The following FERMT1 variants were observed in gnomAD, a reference collection of about 807,000 sequenced individuals.
FERMT1 encodes the protein fermitin family homolog 1.
FERMT1 carries 60 observed loss-of-function variants against 85.3 expected under a neutral mutation model. The ratio of observed to expected loss-of-function variants is 0.70; its 90% CI spans 0.57 to 0.87. The LOEUF (loss-of-function observed/expected upper bound fraction) is 0.87. Among genes scored for constraint, FERMT1 ranks in the 40% least tolerant of loss-of-function variants. The probability of loss-of-function intolerance (pLI) is 0.00; values close to 1 mark genes in which losing one functional copy is unlikely to be tolerated. For synonymous variants in FERMT1, 275 were observed against 301.1 expected, an observed-to-expected ratio of 0.91 and a Z score of 0.90; for missense variants, 701 against 818.9, an observed-to-expected ratio of 0.86 and a Z score of 1.76.
Position 6,123,006 on chromosome 20 carries a change from C to G in FERMT1, c.-251G>C, listed in dbSNP as rs1983326837. Reference sequence around the variant, plus strand: ...ACGGAGGCTCGGTGCCTGCCCCCAGCCTGGCGCGGCGTGCCCGGTGCACTG... The same window carrying G: ...ACGGAGGCTCGGTGCCTGCCCCCAGGCTGGCGCGGCGTGCCCGGTGCACTG... On this transcript the variant is annotated 5_prime_UTR_variant, in exon 1 of 15. Transcript: ENST00000217289. The G allele has an allele frequency of 1.3e-5, 2 of 152,266 alleles. No individual in the cohort carries two copies. The allele number at this position is 152,266 out of a possible 1,614,324, so 9.4% of individuals were successfully genotyped here.
intron 6 of FERMT1, among the ~76,000 whole-genome samples, chr20:6,099,405 A>AAG (rs1982596341): frequency 1.1e-5 from 1 of 92,824 alleles, no homozygotes; most frequent in Admixed American, 1.4e-4. Flanking sequence ...GACTGTCTCG[A>AAG]AAAAAAAAAA....
At position 6,076,910 on chromosome 20, in the gene FERMT1, G is replaced by C. The variant is rs1256513495; in HGVS notation, c.*263C>G. 1.3e-5 allele frequency: 7 copies of C among 524,940 alleles called. No homozygotes were observed. The East Asian group carries it at 2.4e-4, about 18-fold the overall frequency. 32.5% of individuals were successfully genotyped at this position (524,940 alleles called of 1,614,324 possible). A position where few individuals can be genotyped will look rare whatever the true frequency, so the allele number is the denominator to read the frequency against. ...AACTGTAACCACATGCTGGGCCTTA[G>C]AGCAATCTTAGGGCACCTGCTTTTC... On this transcript the variant is annotated 3_prime_UTR_variant, in exon 15 of 15. Transcript: ENST00000217289.
At chr20:6,111,574 A>G (rs1174063059) in intron 4 of FERMT1, among the ~76,000 whole-genome samples, 1 of 152,082 alleles carries the variant, frequency 6.6e-6, no homozygotes, top group African/African-American at 2.4e-5. Flanking sequence ...AGAGGCTGCA[A>G]TGAGCCGAGA....
chr20:6,080,599 G>A (rs1981967028), intron 13 of FERMT1, among the ~76,000 whole-genome samples: 1 of 152,230 alleles, frequency 6.6e-6, no homozygotes, highest in Admixed American at 6.5e-5. Flanking sequence ...TGGTGGTGGA[G>A]GAGGAGGCGG....
chr20:6,101,213 T>A (rs959172355), intron 6 of FERMT1, among the ~76,000 whole-genome samples: 1 of 152,252 alleles, frequency 6.6e-6, no homozygotes, highest in African/African-American at 2.4e-5. Context: ...CATAAAGCTT[T>A]AAGCTTTTAG....
Position 6,110,375 on chromosome 20 carries a change from T to C in FERMT1, c.669A>G (p.Gln223=). 1 of 1,613,410 alleles carries C rather than the reference T, an allele frequency of 6.2e-7. No individual in the cohort carries two copies. ...EQNCSILAFS[Q]PPQSPEALAD... The stretch of plus-strand genomic sequence containing the variant: ...CAAGTGCTTCTGGGGACTGGGGGGG[T>C]TGGCTGAATGCGAGGATGCTGCAGT... The change falls in exon 5 of 15, where the codon CAA becomes CAG. Residue 223 remains glutamine, a synonymous_variant. Coordinates refer to ENST00000217289, the MANE Select transcript of FERMT1 (RefSeq NM_017671.5).
intron 6 of FERMT1, 77 bp from the exon 7 acceptor site, chr20:6,097,708 G>A (rs1982548550): frequency 4.9e-6 from 5 of 1,019,086 alleles, no homozygotes; most frequent in Non-Finnish European, 7.8e-6. Context: ...AAACAACTGA[G>A]GCCATTCTCT....
At chr20:6,116,677 C>T (rs530746084) in intron 2 of FERMT1, among the ~76,000 whole-genome samples, 16 of 148,630 alleles carry the variant, frequency 1.1e-4, no homozygotes, top group Middle Eastern at 3.5e-3. Flanking sequence ...TGTAATGAGC[C>T]GAGGTCACAC....
At chr20:6,120,583 C>T (rs1433221291) in intron 1 of FERMT1, 4 of 152,212 alleles carry the variant, frequency 2.6e-5, no homozygotes, top group Non-Finnish European at 1.5e-5. Context: ...TGCTACTGCT[C>T]CTGGCTGTTT....
chr20:6,079,547 C>A lies in FERMT1; in HGVS notation c.1749G>T (p.Leu583=). 1 of 1,613,992 alleles carries A rather than the reference C, an allele frequency of 6.2e-7. No individual in the cohort carries two copies. Among genetic ancestry groups the A allele is most frequent in the East Asian group, 2.2e-5 (1 of 44,880 alleles). ...RFKGSKKDDI[L]GVSYNRLIKI... ...TAATCAACCTGTTATATGAAACTCC[C>A]AGAATGTCATCTTTTTTGCTTCCTT... The change falls in exon 14 of 15, where the codon CTG becomes CTT. Residue 583 remains leucine, a synonymous_variant. Transcript: ENST00000217289.
rs779147426 is a variant in FERMT1, at chr20:6,087,864, A to C, written c.1284T>G (p.Asp428Glu). 2.5e-6 allele frequency: 4 copies of C among 1,608,826 alleles called. No homozygotes were observed. The South Asian group carries it at 4.4e-5, about 18-fold the overall frequency. The change falls in exon 11 of 15, where the codon GAT becomes GAG. Residue 428 changes from aspartate (D) to glutamate (E), a missense_variant. Transcript: ENST00000217289. The part of the protein sequence containing the change: ...LNLRGCEVVP[D>E]VNVAGRKFGI... ...CAAATTTTCTTCCTGCTACATTTAC[A>C]TCGGGCACAACTTCGCAGCCTGAAG...
intron 13 of FERMT1, among the ~76,000 whole-genome samples, chr20:6,082,573 A>C (rs1361655981): frequency 6.6e-6 from 1 of 152,232 alleles, no homozygotes. Flanking sequence ...TAAGTAAAGC[A>C]GAAGGAGTTG....
Position 6,097,621 on chromosome 20 carries a change from A to G in FERMT1, c.860T>C (p.Val287Ala), listed in dbSNP as rs377633165. 131 of 1,611,218 alleles carry G rather than the reference A, an allele frequency of 8.1e-5. No homozygotes were observed. The highest frequency in any genetic ancestry group is 1.8e-4 in the Admixed American group (11 of 59,986). The change falls in exon 7 of 15, where the codon GTC (valine) becomes GCC (alanine). Residue 287 changes from valine to alanine, a missense_variant. Coordinates refer to ENST00000217289, the MANE Select transcript of FERMT1 (RefSeq NM_017671.5). ...FFDLNPKYDAVRINQLYEQAR... is the reference protein window; with the variant it reads ...FFDLNPKYDAARINQLYEQAR... ...TTGCTCATAGAGTTGGTTTATTCGGACAGCATCATACTAGAGACAAAAACA... is the reference window on the plus strand; with the variant it reads ...TTGCTCATAGAGTTGGTTTATTCGGGCAGCATCATACTAGAGACAAAAACA...
intron 1 of FERMT1, among the ~76,000 whole-genome samples, chr20:6,121,399 C>A (rs1374754059): frequency 3.9e-5 from 6 of 152,186 alleles, no homozygotes; most frequent in African/African-American, 1.4e-4. Context: ...GCATTACAGG[C>A]GTGGGCCACC....
intron 9 of FERMT1, among the ~76,000 whole-genome samples, chr20:6,094,700 A>T (rs2123115064): frequency 6.6e-6 from 1 of 152,306 alleles, no homozygotes; most frequent in African/African-American, 2.4e-5. Flanking sequence ...AAGGGGAGGT[A>T]TATTCCCATT....
chr20:6,090,336 G>C (rs1029451392), intron 9 of FERMT1, among the ~76,000 whole-genome samples: 10 of 152,014 alleles, frequency 6.6e-5, no homozygotes, highest in African/African-American at 2.4e-4. Flanking sequence ...GCCTCCCAAA[G>C]TGCTGGGATT....
At position 6,090,442 on chromosome 20, in the gene FERMT1, G is replaced by T. The variant is rs370820583; in HGVS notation, c.1140-1353C>A. Among the ~76,000 whole-genome samples the T allele has an allele frequency of 2.6e-5, 4 of 151,882 alleles. No individual in the cohort carries two copies. In the East Asian group the frequency reaches 7.8e-4, roughly 29 times the overall value. Reference sequence around the variant, plus strand: ...AAACATATGTTATCCTTAACACAAAGATAGGAAAGAAGTTGCACATTAAAA... The same window carrying T: ...AAACATATGTTATCCTTAACACAAATATAGGAAAGAAGTTGCACATTAAAA... On this transcript the variant is annotated intron_variant, in intron 9 of 14. Coordinates refer to ENST00000217289, the MANE Select transcript of FERMT1 (RefSeq NM_017671.5).
rs1409150501 is a variant in FERMT1, at chr20:6,119,464, G to A, written c.91C>T (p.Leu31=). 2.5e-6 allele frequency: 4 copies of A among 1,613,986 alleles called. No homozygotes were observed. Among genetic ancestry groups the A allele is most frequent in the Non-Finnish European group, 3.4e-6 (4 of 1,179,944 alleles). The change falls in exon 2 of 15, where the codon CTG becomes TTG. Residue 31 remains leucine, a synonymous_variant. Coordinates refer to ENST00000217289, the MANE Select transcript of FERMT1 (RefSeq NM_017671.5). ...ACATGAAGGTCTCCAGATACTCTCA[G>A]TGTGACGTCTTTCTGCTGCTCTTCA... ...PNEEQQKDVT[L]RVSGDLHVGG...
intron 11 of FERMT1, among the ~76,000 whole-genome samples, chr20:6,086,392 G>A (rs1013387136): frequency 4.6e-5 from 7 of 152,166 alleles, no homozygotes; most frequent in Non-Finnish European, 8.8e-5. Flanking sequence ...CAAGTCAGTG[G>A]TGGCTTCTAT....
Sources: allele counts gnomAD v4.1 joint callset (sites outside exome capture counted in the v4.1 genomes callset), GRCh38; gene constraint gnomAD v4.1.1; transcripts MANE v1.5; gene names NCBI Gene and HGNC (gene_info 2026-07-23, HGNC 2026-07-21).